The following FRMD5 variants were observed in gnomAD, a reference collection of about 807,000 sequenced individuals.
FRMD5 encodes the protein FERM domain containing 5, also known as FERM domain-containing protein 5.
Under a neutral mutation model 69.0 loss-of-function variants are expected in FRMD5, and 20 were observed. The observed-to-expected ratio is 0.29, with a 90% confidence interval of 0.20 to 0.42. FRMD5 has a LOEUF of 0.42. Ranked by LOEUF, FRMD5 falls within the 10% of genes least tolerant of loss-of-function variation. The probability of loss-of-function intolerance (pLI) is 1.00; values close to 1 mark genes in which losing one functional copy is unlikely to be tolerated. For synonymous variants in FRMD5, 271 were observed against 260.1 expected, an observed-to-expected ratio of 1.04 and a Z score of -0.40; for missense variants, 595 against 708.6, an observed-to-expected ratio of 0.84 and a Z score of 1.82.
intron 1 of FRMD5, among the ~76,000 whole-genome samples, chr15:44,112,720 G>A (rs546956218): frequency 2.6e-5 from 4 of 151,926 alleles, no homozygotes; most frequent in East Asian, 3.9e-4. Context: ...CACCCACCTC[G>A]GCCTCCCAAA....
chr15:43,996,775 C>T (rs964544990), intron 1 of FRMD5, among the ~76,000 whole-genome samples: 3 of 116,326 alleles, frequency 2.6e-5, no homozygotes, highest in African/African-American at 3.4e-5. Flanking sequence ...GAATTTGCTG[C>T]TCAAAGTGTT....
intron 10 of FRMD5, among the ~76,000 whole-genome samples, 159 bp downstream of exon 10, chr15:43,888,016 C>T (rs2088704113): frequency 6.6e-6 from 1 of 152,202 alleles, no homozygotes; most frequent in African/African-American, 2.4e-5. Context: ...GTAGGCAAAG[C>T]TCTTGCCTTT....
intron 1 of FRMD5, among the ~76,000 whole-genome samples, chr15:44,039,218 C>G (rs866979989): frequency 1.3e-5 from 2 of 152,202 alleles, no homozygotes; most frequent in Admixed American, 6.5e-5. Flanking sequence ...ACAGAGCACC[C>G]GGGGGAAGGG....
intron 1 of FRMD5, among the ~76,000 whole-genome samples, chr15:43,949,608 G>T (rs1423135427): frequency 6.6e-6 from 1 of 152,198 alleles, no homozygotes; most frequent in Non-Finnish European, 1.5e-5. Flanking sequence ...GCCTCAAAAT[G>T]TTCATTCCTT....
At chr15:43,915,291 G>C (rs1337747123) in intron 4 of FRMD5, among the ~76,000 whole-genome samples, 1 of 152,140 alleles carries the variant, frequency 6.6e-6, no homozygotes, top group Admixed American at 6.5e-5. Flanking sequence ...GAGTAGTTGC[G>C]ACAGAGACCA....
intron 4 of FRMD5, among the ~76,000 whole-genome samples, chr15:43,912,137 T>A (rs1166891916): frequency 6.6e-6 from 1 of 152,170 alleles, no homozygotes; most frequent in Non-Finnish European, 1.5e-5. Flanking sequence ...AGATTAAAAT[T>A]TAAGAAGCTG....
chr15:44,043,844 C>A (rs551864311), intron 1 of FRMD5, among the ~76,000 whole-genome samples: 25 of 152,264 alleles, frequency 1.6e-4, no homozygotes, highest in African/African-American at 6.0e-4. Context: ...CTAGGCAATA[C>A]CATTCAGGAC....
At chr15:44,093,201 A>G (rs1242223674) in intron 1 of FRMD5, among the ~76,000 whole-genome samples, 1 of 152,112 alleles carries the variant, frequency 6.6e-6, no homozygotes, top group African/African-American at 2.4e-5. Flanking sequence ...AAGCGCTGGT[A>G]TTATGGGCGT....
chr15:43,985,348 G>C (rs1391012196), intron 1 of FRMD5, among the ~76,000 whole-genome samples: 1 of 147,962 alleles, frequency 6.8e-6, no homozygotes, highest in Non-Finnish European at 1.5e-5. Flanking sequence ...TACTCTGCTT[G>C]TAACTGGGAA....
intron 1 of FRMD5, chr15:43,989,881 T>C (rs1369929186): frequency 5.7e-6 from 6 of 1,057,436 alleles, no homozygotes; most frequent in Non-Finnish European, 8.8e-6. Flanking sequence ...CAGCATGGGG[T>C]GCTCCTTGGC....
intron 1 of FRMD5, among the ~76,000 whole-genome samples, chr15:43,942,835 C>T (rs2089883886): frequency 6.6e-6 from 1 of 152,250 alleles, no homozygotes; most frequent in Non-Finnish European, 1.5e-5. Context: ...CCTTGGCTCA[C>T]TGCAATCTCC....
chr15:43,875,390 A>ATATG (rs1555465623), intron 13 of FRMD5, among the ~76,000 whole-genome samples: 3,637 of 124,156 alleles, frequency 0.029, 78 homozygotes, highest in East Asian at 0.051. Context: ...ATATATATAT[A>ATATG]TATGTATGTA....
chr15:44,018,170 A>G (rs78714495), intron 1 of FRMD5, among the ~76,000 whole-genome samples: 1 of 152,332 alleles, frequency 6.6e-6, no homozygotes, highest in East Asian at 1.9e-4. Flanking sequence ...AGTATTTAAT[A>G]TGGTTTAGAT....
At chr15:44,083,445 G>T (rs1394305115) in intron 1 of FRMD5, among the ~76,000 whole-genome samples, 1 of 151,978 alleles carries the variant, frequency 6.6e-6, no homozygotes, top group East Asian at 1.9e-4. Flanking sequence ...GGACAGAATT[G>T]CTGTCCATTC....
intron 1 of FRMD5, among the ~76,000 whole-genome samples, chr15:44,084,706 T>C (rs540283857): frequency 4.2e-4 from 64 of 151,146 alleles, no homozygotes; most frequent in African/African-American, 1.5e-3. Context: ...TTCCATTGAA[T>C]TGTACACTTT....
intron 1 of FRMD5, among the ~76,000 whole-genome samples, chr15:44,059,750 C>T (rs986020245): frequency 1.8e-4 from 27 of 152,076 alleles, no homozygotes; most frequent in African/African-American, 4.6e-4. Context: ...CTCCTGACCT[C>T]GTGATCCACC....
chr15:43,900,372 T>A (rs533984399), intron 7 of FRMD5, among the ~76,000 whole-genome samples: 2 of 152,320 alleles, frequency 1.3e-5, no homozygotes, highest in African/African-American at 4.8e-5. Flanking sequence ...TATCCAAATG[T>A]CAATTCTCTG....
At chr15:43,963,243 A>G (rs995258253) in intron 1 of FRMD5, among the ~76,000 whole-genome samples, 4 of 152,204 alleles carry the variant, frequency 2.6e-5, no homozygotes, top group Non-Finnish European at 4.4e-5. Flanking sequence ...AAAAGTGGGC[A>G]AAGGATATGA....
At chr15:43,974,401 G>T (rs1389723425) in intron 1 of FRMD5, among the ~76,000 whole-genome samples, 9 of 152,178 alleles carry the variant, frequency 5.9e-5, no homozygotes, top group Admixed American at 1.3e-4. Flanking sequence ...ATGTGCTGCA[G>T]GTGCTCATTT....
Sources: gnomAD v4.1 joint callset for allele counts (sites outside exome capture counted in the v4.1 genomes callset) on GRCh38, gnomAD v4.1.1 for gene constraint, MANE v1.5 for transcripts, NCBI Gene and HGNC (gene_info 2026-07-23, HGNC 2026-07-21) for gene names.